MMEL1: variants seen among roughly 807,000 people sequenced by gnomAD.
MMEL1 encodes the protein membrane metallo-endopeptidase-like 1.
A neutral mutation model predicts 117.1 loss-of-function variants in MMEL1; 98 were observed. The observed-to-expected ratio is 0.84, with a 90% CI of 0.71 to 0.99. MMEL1 has a LOEUF of 0.99. Ranked by LOEUF, MMEL1 falls within the 50% of genes least tolerant of loss-of-function variation. The pLI is 0.00. For missense variants in MMEL1, 1,014 were observed against 1,049.1 expected (o/e 0.97, Z 0.46); for synonymous variants, 390 against 415.1 (o/e 0.94, Z 0.74).
chr1:2,624,758 C>T (rs1292978367), intron 2 of MMEL1, among the ~76,000 whole-genome samples: 3 of 152,186 alleles, frequency 2.0e-5, no homozygotes, highest in Non-Finnish European at 2.9e-5. Context: ...CGTCCATTAT[C>T]ACACTGCTAG....
At chr1:2,630,167 C>T (rs1435624374) in intron 1 of MMEL1, 14 of 152,660 alleles carry the variant, frequency 9.2e-5, no homozygotes, top group Admixed American at 9.2e-4. Context: ...CACGGCTGGG[C>T]ACAGGCTGCT....
chr1:2,594,506 C>T (rs1570649472), intron 17 of MMEL1, 63 bp from the exon 18 acceptor site: 24 of 1,524,870 alleles, frequency 1.6e-5, no homozygotes, highest in Non-Finnish European at 2.0e-5. Flanking sequence ...TGGGCTCTCT[C>T]TGCCTTGATG....
intron 8 of MMEL1, among the ~76,000 whole-genome samples, chr1:2,605,882 C>T (rs897285488): frequency 2.0e-5 from 3 of 152,138 alleles, no homozygotes; most frequent in Non-Finnish European, 4.4e-5. Flanking sequence ...GCAGCACCCG[C>T]GGCTCCCCCA....
intron 13 of MMEL1, among the ~76,000 whole-genome samples, 171 bp from the exon 14 acceptor site, chr1:2,596,860 C>CG (rs1403872779): frequency 6.6e-6 from 1 of 151,996 alleles, no homozygotes; most frequent in Non-Finnish European, 1.5e-5. Flanking sequence ...GCTGCTGCGG[C>CG]GGGGGGAAGG....
At chr1:2,593,466 G>A (rs2100927273) in intron 19 of MMEL1, among the ~76,000 whole-genome samples, 1 of 152,338 alleles carries the variant, frequency 6.6e-6, no homozygotes, top group South Asian at 2.1e-4. Flanking sequence ...GAGGATGCTG[G>A]CCGTCTGGAG....
chr1:2,628,910 C>T (rs1638399789), intron 2 of MMEL1, among the ~76,000 whole-genome samples: 1 of 146,096 alleles, frequency 6.8e-6, no homozygotes, highest in Admixed American at 6.8e-5. Context: ...CCAGGTGAGC[C>T]CGGGCGGCGG....
chr1:2,610,399 A>T, intron 4 of MMEL1, among the ~76,000 whole-genome samples: 1 of 151,980 alleles, frequency 6.6e-6, no homozygotes, highest in East Asian at 1.9e-4. Context: ...TTGTCTGTGA[A>T]TCCGGGAACA....
chr1:2,612,128 T>G lies in MMEL1; in HGVS notation c.231A>C (p.Arg77=). 1 of 1,576,686 alleles carries G rather than the reference T, an allele frequency of 6.3e-7. No individual in the cohort carries two copies. ...EERTFVKRKP[R]GIPEAQEVSE... The stretch of plus-strand genomic sequence containing the variant: ...TTTGGAAGGGAAGGCAAAGGCTACC[T>G]CGGGGTTTTCGTTTTACAAAGGTCC... Residue 77 remains arginine, a splice_region_variant and synonymous_variant, in exon 3 of 24, where the codon CGA becomes CGC. Coordinates refer to ENST00000378412, the MANE Select transcript of MMEL1 (RefSeq NM_033467.4). This position sits in a 1 kb window ranked among gnomAD's most constrained non-coding sequence, Gnocchi z 5.4.
chr1:2,616,342 C>CAAAAAAAAAAAA (rs60641053), intron 2 of MMEL1, among the ~76,000 whole-genome samples: 1 of 89,286 alleles, frequency 1.1e-5, no homozygotes, highest in African/African-American at 4.5e-5. Flanking sequence ...GACCCTAGCT[C>CAAAAAAAAAAAA]AAAAAAAAAA....
rs1214155057 is a variant in MMEL1, at chr1:2,595,141, C to A, written c.1584+135G>T. 5 of 815,028 alleles carry A rather than the reference C, an allele frequency of 6.1e-6. No individual in the cohort carries two copies. The South Asian group carries it at 6.7e-5, about 11-fold the overall frequency. The allele number at this position is 815,028 out of a possible 1,614,324, so 50.5% of individuals were successfully genotyped here. A position where few individuals can be genotyped will look rare whatever the true frequency, so the allele number is the denominator to read the frequency against. On this transcript the variant is annotated intron_variant, in intron 16 of 23. Transcript: ENST00000378412. This position sits in a 1 kb window ranked among gnomAD's most constrained non-coding sequence, Gnocchi z 4.8. The stretch of plus-strand genomic sequence containing the variant: ...ACTGAGGGTAGTGCTGGAGCCACCA[C>A]CCTAGGGCACGGTGAGGACAGCTGT...
chr1:2,609,777 T>C lies in MMEL1; in HGVS notation c.347A>G (p.Tyr116Cys). 6.2e-7 allele frequency: 1 copy of C among 1,613,812 alleles called. No individual in the cohort carries two copies. Among genetic ancestry groups the C allele is most frequent in the Non-Finnish European group, 8.5e-7 (1 of 1,179,966 alleles). Residue 116 changes from tyrosine to cysteine, a missense_variant, in exon 5 of 24, where the codon TAC becomes TGC. Coordinates refer to ENST00000378412, the MANE Select transcript of MMEL1 (RefSeq NM_033467.4). ...DPTTEPCDDF[Y>C]QFACGGWLRR... The stretch of plus-strand genomic sequence containing the variant: ...CAGCCAGCCTCCGCATGCAAACTGG[T>C]AGAAGTCGTCACACGGTTCCGTGGT...
chr1:2,619,211 C>A (rs1645252360), intron 2 of MMEL1, among the ~76,000 whole-genome samples: 1 of 152,200 alleles, frequency 6.6e-6, no homozygotes, highest in South Asian at 2.1e-4. Context: ...CAGAGCACCC[C>A]AGCTGAGCCC....
chr1:2,608,434 C>T (rs992832524), intron 6 of MMEL1, among the ~76,000 whole-genome samples: 5 of 152,104 alleles, frequency 3.3e-5, no homozygotes, highest in African/African-American at 1.2e-4. Flanking sequence ...CACACACACA[C>T]ATCCACATAC....
At chr1:2,604,122 T>TGGCCCC in intron 10 of MMEL1, 25 bp downstream of exon 10, 1 of 1,357,430 alleles carries the variant, frequency 7.4e-7, no homozygotes, top group Non-Finnish European at 1.0e-6. Context: ...CGCTGCCCGC[T>TGGCCCC]CCCCACCCGC....
intron 11 of MMEL1, among the ~76,000 whole-genome samples, chr1:2,602,775 TG>T (rs1644954387): frequency 6.6e-6 from 1 of 152,208 alleles, no homozygotes; most frequent in African/African-American, 2.4e-5. Context: ...CCCAGACTCT[TG>T]GGGAACTGCT....
rs776455070 is a variant in MMEL1 at position 2,612,129 on chromosome 1, C to G, written c.230G>C (p.Arg77Pro). Residue 77 changes from arginine (R) to proline (P), a missense_variant and splice_region_variant, in exon 3 of 24, where the codon CGA becomes CCA. Arg to Pro is a moderately radical substitution (Grantham distance 103). Coordinates refer to ENST00000378412, the MANE Select transcript of MMEL1 (RefSeq NM_033467.4). This position sits in a 1 kb window ranked among gnomAD's most constrained non-coding sequence, Gnocchi z 5.4. ...TTGGAAGGGAAGGCAAAGGCTACCTCGGGGTTTTCGTTTTACAAAGGTCCT... is the reference window on the plus strand; with the variant it reads ...TTGGAAGGGAAGGCAAAGGCTACCTGGGGGTTTTCGTTTTACAAAGGTCCT... Reference protein sequence around the residue: ...EERTFVKRKPRGIPEAQEVSE... With the variant: ...EERTFVKRKPPGIPEAQEVSE... The G allele has an allele frequency of 6.3e-7, 1 of 1,576,978 alleles. No individual in the cohort carries two copies. The highest frequency in any genetic ancestry group is 1.2e-5 in the South Asian group (1 of 86,504).
At position 2,598,686 on chromosome 1, in the gene MMEL1, G is replaced by T. The variant is rs779691247; in HGVS notation, c.1146C>A (p.Asn382Lys). 1.2e-6 allele frequency: 2 copies of T among 1,614,106 alleles called. No homozygotes were observed. Among genetic ancestry groups the T allele is most frequent in the South Asian group, 1.1e-5 (1 of 91,088 alleles). Residue 382 changes from asparagine (N) to lysine (K), a missense_variant, in exon 12 of 24, where the codon AAC becomes AAA. Asn to Lys is a moderately conservative substitution (Grantham distance 94). Coordinates refer to ENST00000378412, the MANE Select transcript of MMEL1 (RefSeq NM_033467.4). ...AGTAGGTGTCGATGATGTTTTCAAG[G>T]TTCTGCAGGTAGGGGATGCCATAGA... is the stretch of plus-strand genomic sequence containing the variant. ...VVVYGIPYLQ[N>K]LENIIDTYSA...
chr1:2,595,091 C>T lies in MMEL1; in HGVS notation c.1584+185G>A, dbSNP rs1449615694. ...ACTCTGAGCAAGTCCCTCGTCCCTC[C>T]AGGCCTCAGTTTCCCCATCTGTACA... On this transcript the variant is annotated intron_variant, in intron 16 of 23. Coordinates refer to ENST00000378412, the MANE Select transcript of MMEL1 (RefSeq NM_033467.4). This position sits in a 1 kb window ranked among gnomAD's most constrained non-coding sequence, Gnocchi z 4.8. Among the ~76,000 whole-genome samples, 5 of 152,166 alleles carry T rather than the reference C, an allele frequency of 3.3e-5. No homozygotes were observed. The highest frequency in any genetic ancestry group is 3.3e-4 in the Admixed American group (5 of 15,280).
intron 2 of MMEL1, among the ~76,000 whole-genome samples, chr1:2,619,153 C>T (rs1056775825): frequency 7.2e-5 from 11 of 152,052 alleles, no homozygotes; most frequent in South Asian, 2.1e-4. Flanking sequence ...GAGGGATCTG[C>T]GCAGGAATGC....
Sources: gnomAD v4.1 joint callset for allele counts (sites outside exome capture counted in the v4.1 genomes callset) on GRCh38, gnomAD v4.1.1 for gene constraint, Gnocchi (gnomAD v3.1) non-coding constraint, MANE v1.5 for transcripts, NCBI Gene and HGNC (gene_info 2026-07-23, HGNC 2026-07-21) for gene names.